CAMK2B: variants seen among roughly 807,000 people sequenced by gnomAD.
CAMK2B encodes the protein calcium/calmodulin-dependent protein kinase type II subunit beta.
Under a neutral mutation model 93.7 loss-of-function variants are expected in CAMK2B, and 27 were observed. The observed-to-expected ratio is 0.29, with a 90% CI of 0.21 to 0.40. The LOEUF (loss-of-function observed/expected upper bound fraction) is 0.40. Among genes scored for constraint, CAMK2B ranks in the 10% least tolerant of loss-of-function variants. CAMK2B has a pLI of 1.00. For synonymous variants in CAMK2B, 374 were observed against 358.8 expected (o/e 1.04, Z -0.48); for missense variants, 568 against 895.8 (o/e 0.63, Z 4.67).
chr7:44,274,568 A>G (rs2097013564), intron 2 of CAMK2B, among the ~76,000 whole-genome samples: 1 of 152,082 alleles, frequency 6.6e-6, no homozygotes, highest in Non-Finnish European at 1.5e-5. Context: ...TTCTCCTTCC[A>G]TCGGTGGTCA....
At chr7:44,250,771 G>T (rs903053445) in intron 5 of CAMK2B, among the ~76,000 whole-genome samples, 1 of 152,124 alleles carries the variant, frequency 6.6e-6, no homozygotes, top group Non-Finnish European at 1.5e-5. Context: ...CTTGTGATCC[G>T]CCCGCCTCGG....
chr7:44,289,180 G>A (rs10258356), intron 1 of CAMK2B, among the ~76,000 whole-genome samples: 27,946 of 151,994 alleles, frequency 0.18, 3,249 homozygotes, highest in Non-Finnish European at 0.26. Flanking sequence ...CTGACTATCC[G>A]TGGCTCCCAC....
At chr7:44,323,412 A>C (rs1254576743) in intron 1 of CAMK2B, among the ~76,000 whole-genome samples, 1 of 152,114 alleles carries the variant, frequency 6.6e-6, no homozygotes, top group Non-Finnish European at 1.5e-5. Context: ...TCTTAGCCCC[A>C]CCTGGTCTCC....
chr7:44,246,442 GAC>G (rs142889973), intron 6 of CAMK2B, among the ~76,000 whole-genome samples: 53 of 151,280 alleles, frequency 3.5e-4, no homozygotes, highest in Admixed American at 2.6e-3. Flanking sequence ...TGCCCACACA[GAC>G]ACACACACAC....
chr7:44,225,927 C>A lies in CAMK2B; in HGVS notation c.1597+589G>T, dbSNP rs76057632. The A allele has an allele frequency of 7.8e-7, 1 of 1,276,458 alleles. No homozygotes were observed. The highest frequency in any genetic ancestry group is 1.3e-5 in the South Asian group (1 of 79,690). The allele number at this position is 1,276,458 out of a possible 1,614,324, so 79.1% of individuals were successfully genotyped here. A position where few individuals can be genotyped will look rare whatever the true frequency, so the allele number is the denominator to read the frequency against. ...TACTGCGGGTAGTCGGCAGACAGACCGGGAGGTGGCCCAGCCTGGCTCCTC... is the reference window on the plus strand; with the variant it reads ...TACTGCGGGTAGTCGGCAGACAGACAGGGAGGTGGCCCAGCCTGGCTCCTC... On this transcript the variant is annotated intron_variant, in intron 20 of 23. Transcript: ENST00000395749. The surrounding 1 kb of genome is among the most constrained non-coding windows in gnomAD (Gnocchi z 5.0).
intron 1 of CAMK2B, among the ~76,000 whole-genome samples, chr7:44,289,562 C>A (rs1786152654): frequency 6.6e-6 from 1 of 152,208 alleles, no homozygotes; most frequent in Admixed American, 6.5e-5. Context: ...TGTGGTCACG[C>A]AGACCTTGCT....
intron 1 of CAMK2B, among the ~76,000 whole-genome samples, chr7:44,293,336 G>A (rs953738967): frequency 1.3e-5 from 2 of 152,314 alleles, no homozygotes; most frequent in East Asian, 3.9e-4. Flanking sequence ...AACCAAATAA[G>A]CTCATGACAA....
intron 11 of CAMK2B, 109 bp from the exon 12 acceptor site, chr7:44,240,858 A>G (rs1164695893): frequency 1.7e-6 from 2 of 1,188,670 alleles, no homozygotes; most frequent in Non-Finnish European, 2.4e-6. Context: ...CCTCATTGTC[A>G]TGAGGCTGAC....
At chr7:44,303,189 C>T (rs10235682) in intron 1 of CAMK2B, among the ~76,000 whole-genome samples, 1 of 152,068 alleles carries the variant, frequency 6.6e-6, no homozygotes. Context: ...AGGTATAAAT[C>T]TAACAAAATA....
chr7:44,247,030 C>A, intron 6 of CAMK2B, 90 bp downstream of exon 6: 1 of 1,033,186 alleles, frequency 9.7e-7, no homozygotes, highest in South Asian at 1.4e-5. Context: ...CTCCACAGTG[C>A]CACACACTGT....
rs2096974761 is a variant in CAMK2B, at chr7:44,271,555, A to G, written c.161-8491T>C. ...CTGTGGGGTGGGGCAGGCAGAGGCC[A>G]GCTCACATCTTGGGGCCAGCACTTG... On this transcript the variant is annotated intron_variant, in intron 2 of 23. Transcript: ENST00000395749. The surrounding 1 kb of genome is among the most constrained non-coding windows in gnomAD (Gnocchi z 4.2). Among the ~76,000 whole-genome samples, 1 of 152,380 alleles carries G rather than the reference A, an allele frequency of 6.6e-6. No homozygotes were observed. Among genetic ancestry groups the G allele is most frequent in the Non-Finnish European group, 1.5e-5 (1 of 68,032 alleles).
intron 4 of CAMK2B, 72 bp downstream of exon 4, chr7:44,258,800 G>A (rs1031497394): frequency 1.5e-6 from 2 of 1,374,206 alleles, no homozygotes; most frequent in African/African-American, 2.9e-5. Flanking sequence ...CTGGGGCTGG[G>A]GAGGCTGCAG....
At chr7:44,228,663 G>C (rs1257398988) in intron 19 of CAMK2B, 133 bp downstream of exon 19, 2 of 829,608 alleles carry the variant, frequency 2.4e-6, no homozygotes, top group African/African-American at 3.6e-5. Flanking sequence ...AGCCCCGCCA[G>C]GGCAGGACTC....
intron 5 of CAMK2B, among the ~76,000 whole-genome samples, chr7:44,247,892 G>A (rs1391589183): frequency 6.6e-6 from 1 of 152,176 alleles, no homozygotes; most frequent in African/African-American, 2.4e-5. Context: ...GCTGGGTGTG[G>A]TGGTGGGCGG....
In CAMK2B at chr7:44,286,821, G is replaced by A. The variant is rs76560780; in HGVS notation, c.66-2596C>T. On this transcript the variant is annotated intron_variant, in intron 1 of 23. Transcript: ENST00000395749. The surrounding 1 kb of genome is among the most constrained non-coding windows in gnomAD (Gnocchi z 4.0). ...CAGGGGGCCAAGGCCAGGCAGCGCC[G>A]CTGAGGAAGGAGGAAGGCATGGCTG... Among the ~76,000 whole-genome samples, 6,495 of 152,274 alleles carry A rather than the reference G, an allele frequency of 0.043. 216 individuals carry two copies. The highest frequency in any genetic ancestry group is 0.081 in the African/African-American group (3,360 of 41,536).
intron 1 of CAMK2B, among the ~76,000 whole-genome samples, chr7:44,289,868 G>T (rs1016479013): frequency 6.6e-6 from 1 of 152,204 alleles, no homozygotes; most frequent in South Asian, 2.1e-4. Context: ...CTTGGATTCC[G>T]TTCCCTTAGT....
intron 3 of CAMK2B, 66 bp downstream of exon 3, chr7:44,262,939 C>A: frequency 2.2e-6 from 3 of 1,381,442 alleles, no homozygotes; most frequent in Non-Finnish European, 1.0e-6. Flanking sequence ...GATAGAGAAA[C>A]CGGAATGGGC....
At chr7:44,253,456 G>A (rs1189953934) in intron 5 of CAMK2B, among the ~76,000 whole-genome samples, 16 of 152,098 alleles carry the variant, frequency 1.1e-4, no homozygotes, top group African/African-American at 3.6e-4. Flanking sequence ...CAGGTGATCC[G>A]CCCACCTCGG....
chr7:44,310,745 A>G (rs146565231), intron 1 of CAMK2B, among the ~76,000 whole-genome samples: 15 of 152,320 alleles, frequency 9.8e-5, no homozygotes, highest in African/African-American at 3.6e-4. Flanking sequence ...AAAGTTGTCA[A>G]ATTCATAGAG....
Sources: gnomAD v4.1 joint callset for allele counts (sites outside exome capture counted in the v4.1 genomes callset) on GRCh38, gnomAD v4.1.1 for gene constraint, Gnocchi (gnomAD v3.1) non-coding constraint, MANE v1.5 for transcripts, NCBI Gene and HGNC (gene_info 2026-07-23, HGNC 2026-07-21) for gene names.